The following TRPM3 variants were observed in gnomAD, a reference collection of about 807,000 sequenced individuals.
TRPM3 encodes transient receptor potential cation channel subfamily M member 3.
Under a neutral mutation model 181.2 loss-of-function variants are expected in TRPM3, and 77 were observed. That is an observed-to-expected ratio of 0.42 (90% CI 0.35 to 0.51). The LOEUF (loss-of-function observed/expected upper bound fraction) is 0.51, where lower values mean the gene tolerates loss of function less well. TRPM3 is among the 20% of genes least tolerant of loss of function. The pLI, the probability that TRPM3 is intolerant of heterozygous loss-of-function variation, is 0.01. For missense variants in TRPM3, 1,759 were observed against 2,196.7 expected (o/e 0.80, Z 3.98); for synonymous variants, 745 against 796.4 (o/e 0.94, Z 1.09).
At chr9:70,752,049 T>TGTGC (rs1273744922) in intron 8 of TRPM3, among the ~76,000 whole-genome samples, 2,360 of 116,270 alleles carry the variant, frequency 0.02, 34 homozygotes, top group Non-Finnish European at 0.027. Flanking sequence ...TGTGTGTGTG[T>TGTGC]GCGCGCGCGC....
At chr9:71,302,866 A>G (rs139745364) in intron 1 of TRPM3, among the ~76,000 whole-genome samples, 2 of 152,260 alleles carry the variant, frequency 1.3e-5, no homozygotes, top group East Asian at 3.9e-4. Context: ...TGAAGAGACT[A>G]CAAAGGGAGA....
At chr9:70,593,682 C>T (rs2058505546) in intron 21 of TRPM3, among the ~76,000 whole-genome samples, 1 of 151,922 alleles carries the variant, frequency 6.6e-6, no homozygotes, top group South Asian at 2.1e-4. Flanking sequence ...ATACCAAAAT[C>T]TGATAGAATG....
chr9:70,892,736 G>A (rs561221628), intron 1 of TRPM3, among the ~76,000 whole-genome samples: 1 of 151,996 alleles, frequency 6.6e-6, no homozygotes, highest in African/African-American at 2.4e-5. Context: ...CAATTAAAGA[G>A]GCTATTCTAA....
At chr9:71,409,551 G>A (rs940472384) in intron 1 of TRPM3, among the ~76,000 whole-genome samples, 5 of 152,150 alleles carry the variant, frequency 3.3e-5, no homozygotes, top group Non-Finnish European at 1.5e-5. Context: ...AATTCAACAA[G>A]TGCTAACTAT....
intron 1 of TRPM3, among the ~76,000 whole-genome samples, chr9:71,165,410 T>A (rs564307018): frequency 6.6e-6 from 1 of 152,320 alleles, no homozygotes; most frequent in South Asian, 2.1e-4. Flanking sequence ...ACATGGTTTC[T>A]GCCTCAAAGT....
intron 1 of TRPM3, among the ~76,000 whole-genome samples, chr9:71,079,909 G>A (rs1256045611): frequency 1.3e-5 from 2 of 152,154 alleles, no homozygotes; most frequent in East Asian, 1.9e-4. Flanking sequence ...GGTGGCACAC[G>A]CCTGTAATCC....
chr9:70,603,974 T>A (rs11142502), intron 19 of TRPM3, among the ~76,000 whole-genome samples: 48,218 of 151,896 alleles, frequency 0.32, 7,903 homozygotes, highest in South Asian at 0.4. Flanking sequence ...AGGCTTAAAG[T>A]GCTTCGCTTG....
intron 1 of TRPM3, among the ~76,000 whole-genome samples, chr9:71,106,106 C>T (rs1431897424): frequency 1.3e-5 from 2 of 152,090 alleles, no homozygotes; most frequent in Admixed American, 6.6e-5. Flanking sequence ...TGGAGGATGA[C>T]TATACTAGAA....
chr9:70,948,480 T>C (rs573718076), intron 1 of TRPM3, among the ~76,000 whole-genome samples: 1 of 152,322 alleles, frequency 6.6e-6, no homozygotes, highest in Non-Finnish European at 1.5e-5. Context: ...TTGACGACTA[T>C]AATACATTTT....
chr9:71,323,200 C>T (rs980599564), intron 1 of TRPM3, among the ~76,000 whole-genome samples: 7 of 151,992 alleles, frequency 4.6e-5, no homozygotes, highest in African/African-American at 1.4e-4. Flanking sequence ...ATTACAGTAG[C>T]CTTCATGTGT....
At chr9:71,411,031 G>C (rs1311754882) in intron 1 of TRPM3, among the ~76,000 whole-genome samples, 1 of 152,108 alleles carries the variant, frequency 6.6e-6, no homozygotes, top group Non-Finnish European at 1.5e-5. Context: ...ATGTAGAAAA[G>C]GCCTTTGACA....
rs1292115319 is a variant in TRPM3, at chr9:70,598,512, G to A, written c.2955C>T (p.Tyr985=). 5.6e-6 allele frequency: 9 copies of A among 1,614,226 alleles called. No individual in the cohort carries two copies. Among genetic ancestry groups the A allele is most frequent in the Non-Finnish European group, 5.9e-6 (7 of 1,180,058 alleles). ...TATACCAGTAAATGATGTTCACGCA[G>A]TAGATGACCCTCCCGTCACTCCTGA... The part of the protein sequence containing the change: ...QPFRSDGRVI[Y]CVNIIYWYIR... Residue 985 remains tyrosine (Y), a synonymous_variant, in exon 21 of 26, where the codon TAC becomes TAT. Coordinates refer to ENST00000677713, the MANE Select transcript of TRPM3 (RefSeq NM_001366145.2).
chr9:70,832,620 T>C (rs79749689), intron 5 of TRPM3, among the ~76,000 whole-genome samples: 2,047 of 152,246 alleles, frequency 0.013, 49 homozygotes, highest in African/African-American at 0.046. Context: ...ACATCATCAT[T>C]CCCAGGAAGG....
rs1357269098 is a variant in TRPM3 at position 71,281,018 on chromosome 9, T to C, written c.183+165635A>G. 5.3e-5 allele frequency among the ~76,000 whole-genome samples: 8 copies of C among 152,224 alleles called. 1 individual carries two copies. The highest frequency in any genetic ancestry group is 1.3e-4 in the Admixed American group (2 of 15,280). ...AAGCTCTGTGCAGGCAAAGACCACA[T>C]GTGTCTTGTTCACCACTGTGTCCCC... On this transcript the variant is annotated intron_variant, in intron 1 of 24. Coordinates refer to the TRPM3 transcript ENST00000357533.
rs974552728 is a variant in TRPM3 at position 70,915,474 on chromosome 9, T to A, written c.178-50963A>T. On this transcript the variant is annotated intron_variant, in intron 1 of 25. Transcript: ENST00000677713. The stretch of plus-strand genomic sequence containing the variant: ...CACCATGCCCGGCTAATTTTTTTTT[T>A]TTTTTTATTTTTAGTAGAGACGGGG... Among the ~76,000 whole-genome samples the A allele has an allele frequency of 5.9e-5, 9 of 151,552 alleles. No individual in the cohort carries two copies. The East Asian group carries it at 9.8e-4, about 16-fold the overall frequency.
chr9:70,993,936 G>C, intron 1 of TRPM3, among the ~76,000 whole-genome samples: 1 of 152,038 alleles, frequency 6.6e-6, no homozygotes, highest in Admixed American at 6.6e-5. Flanking sequence ...CAAGAACCTG[G>C]CCATCAGAGT....
At chr9:70,830,174 C>T (rs919438126) in intron 5 of TRPM3, among the ~76,000 whole-genome samples, 4 of 152,086 alleles carry the variant, frequency 2.6e-5, no homozygotes, top group Admixed American at 2.0e-4. Context: ...CTGGCTGAGA[C>T]GTAAGCCCAT....
intron 1 of TRPM3, among the ~76,000 whole-genome samples, chr9:70,933,692 A>T (rs1045136066): frequency 6.6e-6 from 1 of 151,950 alleles, no homozygotes; most frequent in East Asian, 1.9e-4. Flanking sequence ...GGGATATAAG[A>T]CCTAAAAAGA....
In TRPM3 at chr9:71,420,815, G is replaced by GAGAGAAAGAA. The variant is rs2093737781; in HGVS notation, c.183+25837_183+25838insTTCTTTCTCT. On this transcript the variant is annotated intron_variant, in intron 1 of 24. Coordinates refer to the TRPM3 transcript ENST00000357533. ...AGAGAGAAAGAAAGAGAGAAAGAAA[G>GAGAGAAAGAA]AGAGAAAGAGAGGGAAAGAAAGAGA... 3.4e-3 allele frequency among the ~76,000 whole-genome samples: 7 copies of GAGAGAAAGAA among 2,036 alleles called. 1 individual carries two copies. The highest frequency in any genetic ancestry group is 0.021 in the African/African-American group (7 of 326). The allele number at this position is 2,036 out of a possible 152,430, so 1.3% of individuals were successfully genotyped here.
Sources: gnomAD v4.1 joint callset for allele counts (sites outside exome capture counted in the v4.1 genomes callset) on GRCh38, gnomAD v4.1.1 for gene constraint, MANE v1.5 for transcripts, NCBI Gene and HGNC (gene_info 2026-07-23, HGNC 2026-07-21) for gene names.